The following DNAH1 variants were observed in gnomAD, a reference collection of about 807,000 sequenced individuals.
DNAH1 encodes the protein dynein axonemal heavy chain 1, also known as axonemal beta dynein heavy chain 1.
DNAH1 carries 327 observed loss-of-function variants against 484.3 expected under a neutral mutation model. The ratio of observed to expected loss-of-function variants is 0.68; its 90% CI spans 0.62 to 0.74. The LOEUF is 0.74. Ranked by LOEUF, DNAH1 falls within the 30% of genes least tolerant of loss-of-function variation. The probability of loss-of-function intolerance (pLI) is 0.00; values close to 1 mark genes in which losing one functional copy is unlikely to be tolerated. For synonymous variants in DNAH1, 2,192 were observed against 2,191.9 expected, an observed-to-expected ratio of 1.00 and a Z score of 0.00; for missense variants, 5,052 against 5,546.8, an observed-to-expected ratio of 0.91 and a Z score of 2.83.
chr3:52,398,801 GCCACGTGAC>G, intron 75 of DNAH1, 40 bp from the exon 76 acceptor site: 1 of 1,429,928 alleles, frequency 7.0e-7, no homozygotes, highest in Non-Finnish European at 9.3e-7. Flanking sequence ...CATAGCTACT[GCCACGTGAC>G]CCCAGCCCAC....
upstream of DNAH1, among the ~76,000 whole-genome samples, chr3:52,314,656 A>G (rs1700892303): frequency 6.6e-6 from 1 of 152,224 alleles, no homozygotes; most frequent in African/African-American, 2.4e-5. Context: ...GAGAAACAGC[A>G]GTGACCATCA....
Position 52,374,715 on chromosome 3 carries a change from A to AT in DNAH1, c.6986-524dup. On this transcript the variant is annotated intron_variant, in intron 44 of 77. Transcript: ENST00000420323. ...CTCAAAGACCCATTGGAACAAGATA[A>AT]TACATGGCTTGATATACAACGCCCT... 1.0e-5 allele frequency: 14 copies of AT among 1,356,422 alleles called. No individual in the cohort carries two copies. In the South Asian group the frequency reaches 1.6e-4, roughly 16 times the overall value. The allele number at this position is 1,356,422 out of a possible 1,614,324, so 84.0% of individuals were successfully genotyped here. A position where few individuals can be genotyped will look rare whatever the true frequency, so the allele number is the denominator to read the frequency against.
At chr3:52,374,585 G>A in intron 44 of DNAH1, 1 of 1,503,198 alleles carries the variant, frequency 6.7e-7, no homozygotes, top group Admixed American at 1.7e-5. Flanking sequence ...ACTTCCAGGT[G>A]GCAGAGCGAG....
Position 52,346,469 on chromosome 3 carries a change from T to G in DNAH1, c.1657-3T>G. 6.2e-7 allele frequency: 1 copy of G among 1,606,460 alleles called. No homozygotes were observed. Among genetic ancestry groups the G allele is most frequent in the Middle Eastern group, 1.7e-4 (1 of 6,050 alleles). ...CATATGATGATGCCTGTGGCCACTC[T>G]AGGTGCAGATGTTCCTCAAGGACAG... is the stretch of plus-strand genomic sequence containing the variant. On this transcript the variant is annotated splice_region_variant and splice_polypyrimidine_tract_variant and intron_variant, in intron 10 of 77. Transcript: ENST00000420323.
rs367709805 is a variant in DNAH1 at position 52,384,865 on chromosome 3, A to G, written c.8402A>G (p.Tyr2801Cys). ...EYLAELTRHN[Y>C]VTPKSYLELL... ...CTGGCAGAGCTGACCCGCCACAACT[A>G]TGTGACCCCCAAGAGCTACTTGGAG... The change falls in exon 53 of 78, where the codon TAT becomes TGT. Residue 2801 changes from tyrosine to cysteine, a missense_variant. Physicochemically the swap from Tyr to Cys is radical, Grantham distance 194. Coordinates refer to ENST00000420323, the MANE Select transcript of DNAH1 (RefSeq NM_015512.5). The G allele has an allele frequency of 7.4e-6, 12 of 1,612,816 alleles. No homozygotes were observed. In the Admixed American group the frequency reaches 8.4e-5, roughly 11 times the overall value.
intron 32 of DNAH1, among the ~76,000 whole-genome samples, chr3:52,363,837 G>A (rs1702962885): frequency 6.6e-6 from 1 of 152,296 alleles, no homozygotes; most frequent in Non-Finnish European, 1.5e-5. Context: ...TTGGCCAGAT[G>A]CAGTCCACCA....
intron 16 of DNAH1, 94 bp downstream of exon 16, chr3:52,350,684 G>T (rs1435515279): frequency 1.7e-6 from 2 of 1,168,518 alleles, no homozygotes; most frequent in East Asian, 5.0e-5. Context: ...AGCTGCCACA[G>T]TCTGTGCAAT....
In DNAH1 at chr3:52,370,544, T is replaced by G; in HGVS notation, c.6326T>G (p.Phe2109Cys). ...GAGTTGATCGAGCCCTGGTTCATCTTCTCCCTGATCTGGAGCGTGGGTGCC... is the reference window on the plus strand; with the variant it reads ...GAGTTGATCGAGCCCTGGTTCATCTGCTCCCTGATCTGGAGCGTGGGTGCC... ...IVELIEPWFIFSLIWSVGATG... is the reference protein window; with the variant it reads ...IVELIEPWFICSLIWSVGATG... Residue 2109 changes from phenylalanine (F) to cysteine (C), a missense_variant, in exon 40 of 78, where the codon TTC (phenylalanine) becomes TGC (cysteine). By Grantham distance (205) the Phe-to-Cys change is radical (BLOSUM62 -2). Transcript: ENST00000420323. 6.2e-7 allele frequency: 1 copy of G among 1,613,922 alleles called. No individual in the cohort carries two copies. The highest frequency in any genetic ancestry group is 1.1e-5 in the South Asian group (1 of 91,078).
At position 52,381,697 on chromosome 3, in the gene DNAH1, C is replaced by G. The variant is rs1289997241; in HGVS notation, c.7666C>G (p.Leu2556Val). Reference protein sequence around the residue: ...EDYNQINTAKLKLVLFMDAMS... With the variant: ...EDYNQINTAKVKLVLFMDAMS... Reference sequence around the variant, plus strand: ...CTACAACCAGATCAACACGGCCAAGCTGAAGCTGGTCCTCTTCATGGACGC... The same window carrying G: ...CTACAACCAGATCAACACGGCCAAGGTGAAGCTGGTCCTCTTCATGGACGC... The change falls in exon 49 of 78, where the codon CTG becomes GTG. Residue 2556 changes from leucine (L) to valine (V), a missense_variant. By Grantham distance (32) the Leu-to-Val change is conservative (BLOSUM62 1). This residue lies in a region of DNAH1 where 2,929 missense variants were observed against 3,409.4 expected (regional missense o/e 0.86). Coordinates refer to ENST00000420323, the MANE Select transcript of DNAH1 (RefSeq NM_015512.5). This position sits in a 1 kb window ranked among gnomAD's most constrained non-coding sequence, Gnocchi z 4.1. The G allele has an allele frequency of 6.2e-7, 1 of 1,607,934 alleles. No individual in the cohort carries two copies. The highest frequency in any genetic ancestry group is 1.7e-5 in the Admixed American group (1 of 59,352).
chr3:52,380,398 AG>A, intron 48 of DNAH1, among the ~76,000 whole-genome samples: 1 of 147,064 alleles, frequency 6.8e-6, no homozygotes, highest in South Asian at 2.2e-4. Flanking sequence ...TCCCTCCACA[AG>A]GGGCCGGGGG....
At chr3:52,394,758 G>T (rs1704544768) in intron 67 of DNAH1, 97 bp downstream of exon 67, 4 of 1,492,578 alleles carry the variant, frequency 2.7e-6, no homozygotes, top group Non-Finnish European at 3.6e-6. Flanking sequence ...GGCCACCCAG[G>T]GTTGCCCTGT....
At chr3:52,329,634 T>C (rs1290028966) in intron 6 of DNAH1, among the ~76,000 whole-genome samples, 1 of 152,084 alleles carries the variant, frequency 6.6e-6, no homozygotes, top group Non-Finnish European at 1.5e-5. Flanking sequence ...AAGACCAGCC[T>C]GAACAACAGA....
In DNAH1 at chr3:52,363,114, C is replaced by T. The variant is rs200175873; in HGVS notation, c.5214C>T (p.Phe1738=). The part of the protein sequence containing the change: ...SVLAKKITTT[F]KLSSEQLSSQ... Reference sequence around the variant, plus strand: ...TGGCTAAGAAGATCACAACCACCTTCAAGCTGTCTTCTGAGCAGCTCAGCT... The same window carrying T: ...TGGCTAAGAAGATCACAACCACCTTTAAGCTGTCTTCTGAGCAGCTCAGCT... The change falls in exon 32 of 78, where the codon TTC becomes TTT. Residue 1738 remains phenylalanine (F), a synonymous_variant. Coordinates refer to ENST00000420323, the MANE Select transcript of DNAH1 (RefSeq NM_015512.5). 254 of 1,613,888 alleles carry T rather than the reference C, an allele frequency of 1.6e-4. 3 individuals are homozygous for T. In the Middle Eastern group the frequency reaches 5.1e-3, roughly 32 times the overall value.
Position 52,399,163 on chromosome 3 carries a change from T to C in DNAH1, c.12403T>C (p.Phe4135Leu). Residue 4135 changes from phenylalanine (F) to leucine (L), a missense_variant, in exon 76 of 78, where the codon TTT becomes CTT. Physicochemically the swap from Phe to Leu is conservative, Grantham distance 22. Around this residue, in one of 4 missense-constraint regions of DNAH1, gnomAD observed 853 missense variants for 899.0 expected, o/e 0.95. Transcript: ENST00000420323. Reference protein sequence around the residue: ...TGTLQNFARKFVISIDTISFD... With the variant: ...TGTLQNFARKLVISIDTISFD... ...CACTCTGCAGAATTTTGCCCGCAAA[T>C]TTGTCATCTCCATTGACACCATCTC... 25 of 1,613,500 alleles carry C rather than the reference T, an allele frequency of 1.5e-5. No individual in the cohort carries two copies. Among genetic ancestry groups the C allele is most frequent in the Non-Finnish European group, 2.0e-5 (24 of 1,179,544 alleles).
In DNAH1 at chr3:52,381,617, C is replaced by T. The variant is rs368280217; in HGVS notation, c.7609-23C>T. The T allele has an allele frequency of 5.7e-6, 9 of 1,579,460 alleles. No individual in the cohort carries two copies. In the African/African-American group the frequency reaches 1.2e-4, roughly 21 times the overall value. ...CTACAGTAAGAGAGACCCCGCCTTC[C>T]CCATCCTCGCCTTGGTGCACAGATG... On this transcript the variant is annotated intron_variant, in intron 48 of 77. Transcript: ENST00000420323. The surrounding 1 kb of genome is among the most constrained non-coding windows in gnomAD (Gnocchi z 4.1).
chr3:52,331,309 G>C lies in DNAH1; in HGVS notation c.1033G>C (p.Gly345Arg). The change falls in exon 7 of 78, where the codon GGA (glycine) becomes CGA (arginine). Residue 345 changes from glycine (G) to arginine (R), a missense_variant and splice_region_variant. This residue lies in a region of DNAH1 where 1,263 missense variants were observed against 1,218.8 expected (regional missense o/e 1.04). Coordinates refer to ENST00000420323, the MANE Select transcript of DNAH1 (RefSeq NM_015512.5). ...PILNAGVTTE[G>R]RPPLQVCQYW... ...CCTGAATGCAGGGGTCACCACTGAA[G>C]GTATGAGGTCCTGCCGCTGCCCCAG... 3 of 1,603,486 alleles carry C rather than the reference G, an allele frequency of 1.9e-6. No individual in the cohort carries two copies. Among genetic ancestry groups the C allele is most frequent in the Non-Finnish European group, 2.6e-6 (3 of 1,175,480 alleles).
intron 67 of DNAH1, 123 bp downstream of exon 67, chr3:52,394,784 T>G: frequency 1.4e-6 from 2 of 1,480,390 alleles, no homozygotes; most frequent in Non-Finnish European, 1.8e-6. Flanking sequence ...TGGCCACATC[T>G]CCTCTGTGCC....
Position 52,378,652 on chromosome 3 carries a change from A to G in DNAH1, c.7249A>G (p.Ile2417Val), listed in dbSNP as rs570319802. 10 of 1,613,692 alleles carry G rather than the reference A, an allele frequency of 6.2e-6. No homozygotes were observed. The Admixed American group carries it at 8.3e-5, about 13-fold the overall frequency. ...HFTEPLVEAT[I>V]MVYATITSQL... The stretch of plus-strand genomic sequence containing the variant: ...CACGGAGCCCCTTGTGGAAGCCACC[A>G]TCATGGTGTATGCAACCATCACCTC... Residue 2417 changes from isoleucine to valine, a missense_variant, in exon 47 of 78, where the codon ATC becomes GTC. Ile to Val is a conservative substitution (Grantham distance 29). This residue lies in a region of DNAH1 where 2,929 missense variants were observed against 3,409.4 expected (regional missense o/e 0.86). Transcript: ENST00000420323.
chr3:52,361,023 T>C lies in DNAH1; in HGVS notation c.4686-141T>C, dbSNP rs920530716. The C allele has an allele frequency of 3.9e-6, 3 of 759,592 alleles. No individual in the cohort carries two copies. Among genetic ancestry groups the C allele is most frequent in the Non-Finnish European group, 5.6e-6 (3 of 532,504 alleles). 47.1% of individuals were successfully genotyped at this position (759,592 alleles called of 1,614,324 possible). On this transcript the variant is annotated intron_variant, in intron 28 of 77. Transcript: ENST00000420323. This position sits in a 1 kb window ranked among gnomAD's most constrained non-coding sequence, Gnocchi z 5.6. ...GGCAGGTGTCCACAGGCTCCAGTCCTGACCCCGGAGCCAGGGCTGGGCACA... is the reference window on the plus strand; with the variant it reads ...GGCAGGTGTCCACAGGCTCCAGTCCCGACCCCGGAGCCAGGGCTGGGCACA...
Sources: allele counts gnomAD v4.1 joint callset (sites outside exome capture counted in the v4.1 genomes callset), GRCh38; gene constraint gnomAD v4.1.1; regional missense constraint gnomAD v4.1.1; non-coding constraint Gnocchi (gnomAD v3.1); transcripts MANE v1.5; gene names NCBI Gene and HGNC (gene_info 2026-07-23, HGNC 2026-07-21).